The following CALD1 variants were observed in gnomAD, a reference collection of about 807,000 sequenced individuals.
CALD1 encodes caldesmon.
A neutral mutation model predicts 99.9 loss-of-function variants in CALD1; 33 were observed. That is an observed-to-expected ratio of 0.33 (90% CI 0.25 to 0.44). CALD1 has a LOEUF of 0.44. CALD1 is among the 20% of genes least tolerant of loss of function. The pLI, the probability that CALD1 is intolerant of heterozygous loss-of-function variation, is 1.00. For missense variants in CALD1, 861 were observed against 962.1 expected (o/e 0.89, Z 1.39); for synonymous variants, 310 against 325.0 (o/e 0.95, Z 0.50).
chr7:134,761,805 G>A (rs1796780631), intron 1 of CALD1, among the ~76,000 whole-genome samples: 1 of 152,170 alleles, frequency 6.6e-6, no homozygotes, highest in South Asian at 2.1e-4. Flanking sequence ...GATAGTATGG[G>A]TGGCACAACC....
At chr7:134,791,987 G>A (rs115958897) in intron 1 of CALD1, among the ~76,000 whole-genome samples, 1,778 of 152,290 alleles carry the variant, frequency 0.012, 30 homozygotes, top group African/African-American at 0.04. Context: ...GGCAACTGCC[G>A]CCGTGATTCA....
chr7:134,896,475 T>C (rs1191820641), intron 3 of CALD1, among the ~76,000 whole-genome samples: 1 of 152,252 alleles, frequency 6.6e-6, no homozygotes, highest in Non-Finnish European at 1.5e-5. Flanking sequence ...AATAGGTCAC[T>C]GTGCTTTGCA....
At chr7:134,860,604 C>CTCTG (rs1800521499) in intron 2 of CALD1, among the ~76,000 whole-genome samples, 1 of 152,170 alleles carries the variant, frequency 6.6e-6, no homozygotes. Flanking sequence ...TGAGTGCCTA[C>CTCTG]TCTGTCTCAA....
intron 1 of CALD1, among the ~76,000 whole-genome samples, chr7:134,793,931 C>G (rs1429843233): frequency 6.6e-6 from 1 of 152,064 alleles, no homozygotes; most frequent in Admixed American, 6.5e-5. Context: ...CATTCCTTCA[C>G]TTTACTCTAC....
intron 1 of CALD1, among the ~76,000 whole-genome samples, chr7:134,767,466 G>A (rs1242527084): frequency 6.6e-6 from 1 of 152,142 alleles, no homozygotes; most frequent in Non-Finnish European, 1.5e-5. Flanking sequence ...ACCCAAAATA[G>A]ATCAAATATT....
intron 3 of CALD1, among the ~76,000 whole-genome samples, chr7:134,889,667 C>CG (rs1802048283): frequency 6.6e-6 from 1 of 152,186 alleles, no homozygotes; most frequent in East Asian, 1.9e-4. Flanking sequence ...GTTTCTGTCT[C>CG]AGTTCTAGAG....
In CALD1 at chr7:134,960,377, A is replaced by C. The variant is rs748065336; in HGVS notation, c.2200-156A>C. The stretch of plus-strand genomic sequence containing the variant: ...GTTGGAGTGGGGTGAGTTACCAGGG[A>C]AAGAAAACCAGATAACATATTCTGT... On this transcript the variant is annotated intron_variant, in intron 12 of 14. Transcript: ENST00000361675. The C allele has an allele frequency of 1.5e-4, 100 of 651,766 alleles. No homozygotes were observed. In the Middle Eastern group the frequency reaches 7.4e-3, roughly 48 times the overall value. 40.4% of individuals were successfully genotyped at this position (651,766 alleles called of 1,614,324 possible).
intron 3 of CALD1, among the ~76,000 whole-genome samples, chr7:134,921,583 G>A (rs1486351063): frequency 3.3e-5 from 5 of 152,106 alleles, no homozygotes; most frequent in Admixed American, 1.3e-4. Context: ...AGGCCGAGGC[G>A]GGCGGATCAC....
chr7:134,861,407 C>T, intron 2 of CALD1, among the ~76,000 whole-genome samples: 1 of 152,178 alleles, frequency 6.6e-6, no homozygotes, highest in East Asian at 1.9e-4. Context: ...AGAAACATCA[C>T]TGAGTTGCAG....
intron 1 of CALD1, among the ~76,000 whole-genome samples, chr7:134,842,386 G>T (rs1036657705): frequency 6.6e-6 from 1 of 152,110 alleles, no homozygotes; most frequent in Non-Finnish European, 1.5e-5. Flanking sequence ...CTTAGCACAG[G>T]GCCTACCACT....
At chr7:134,770,106 C>G (rs1796865252) in intron 1 of CALD1, among the ~76,000 whole-genome samples, 1 of 152,004 alleles carries the variant, frequency 6.6e-6, no homozygotes, top group Non-Finnish European at 1.5e-5. Context: ...TATTAATTAC[C>G]TTTCTCTTTG....
chr7:134,761,041 A>G (rs143653485), intron 1 of CALD1, among the ~76,000 whole-genome samples: 224 of 152,306 alleles, frequency 1.5e-3, no homozygotes, highest in African/African-American at 5.1e-3. Context: ...TTAACAGCGA[A>G]CGGTGAAAAG....
intron 3 of CALD1, among the ~76,000 whole-genome samples, chr7:134,905,160 T>C (rs1260129223): frequency 6.6e-6 from 1 of 152,012 alleles, no homozygotes; most frequent in Non-Finnish European, 1.5e-5. Flanking sequence ...GTTAGAAAAA[T>C]CTTTTCTGCC....
chr7:134,888,167 T>C (rs1036105997), intron 3 of CALD1, among the ~76,000 whole-genome samples: 2 of 152,202 alleles, frequency 1.3e-5, no homozygotes, highest in Admixed American at 6.5e-5. Flanking sequence ...AGAATCTCTT[T>C]GATGAAAAAT....
intron 3 of CALD1, among the ~76,000 whole-genome samples, chr7:134,883,539 G>T (rs1214231271): frequency 6.6e-6 from 1 of 151,886 alleles, no homozygotes; most frequent in Non-Finnish European, 1.5e-5. Context: ...TAAAAAAAAG[G>T]CCCCATTTGC....
Position 134,783,830 on chromosome 7 carries a change from G to C in CALD1, c.-130+4081G>C, listed in dbSNP as rs1172251262. ...CATGAGTGGAGGTGTCCATGATCTG[G>C]AAGGAAGAAAAGAGGGGGTAAATAC... On this transcript the variant is annotated intron_variant, in intron 1 of 14. Coordinates refer to ENST00000361675, the MANE Select transcript of CALD1 (RefSeq NM_033138.4). This position sits in a 1 kb window ranked among gnomAD's most constrained non-coding sequence, Gnocchi z 4.3. Among the ~76,000 whole-genome samples, 2 of 152,168 alleles carry C rather than the reference G, an allele frequency of 1.3e-5. No individual in the cohort carries two copies. The highest frequency in any genetic ancestry group is 4.8e-5 in the African/African-American group (2 of 41,450).
intron 2 of CALD1, among the ~76,000 whole-genome samples, chr7:134,861,338 G>A (rs1259222219): frequency 6.6e-6 from 1 of 152,206 alleles, no homozygotes; most frequent in Non-Finnish European, 1.5e-5. Context: ...CAGATCAGAG[G>A]TAGGAAATCT....
intron 1 of CALD1, among the ~76,000 whole-genome samples, chr7:134,835,693 C>G (rs944134890): frequency 6.6e-6 from 1 of 152,144 alleles, no homozygotes; most frequent in South Asian, 2.1e-4. Flanking sequence ...ACTTGAGACA[C>G]TCTTTCTTTG....
chr7:134,877,515 T>C (rs187887301), intron 3 of CALD1, among the ~76,000 whole-genome samples: 48 of 152,204 alleles, frequency 3.2e-4, no homozygotes, highest in Non-Finnish European at 5.7e-4. Flanking sequence ...ATAATTTAAT[T>C]AATCATGTAT....
Sources: allele counts gnomAD v4.1 joint callset (sites outside exome capture counted in the v4.1 genomes callset), GRCh38; gene constraint gnomAD v4.1.1; non-coding constraint Gnocchi (gnomAD v3.1); transcripts MANE v1.5; gene names NCBI Gene and HGNC (gene_info 2026-07-23, HGNC 2026-07-21).